The following BNC2 variants were observed in gnomAD, a reference collection of about 807,000 sequenced individuals.
BNC2 encodes the protein basonuclin zinc finger protein 2.
BNC2 carries 20 observed loss-of-function variants against 76.3 expected under a neutral mutation model. The ratio of observed to expected loss-of-function variants is 0.26; its 90% CI spans 0.18 to 0.38. The LOEUF (loss-of-function observed/expected upper bound fraction) is 0.38, where lower values mean the gene tolerates loss of function less well. Ranked by LOEUF, BNC2 falls within the 10% of genes least tolerant of loss-of-function variation. BNC2 has a pLI of 1.00. For synonymous variants in BNC2, 582 were observed against 514.8 expected (o/e 1.13, Z -1.77); for missense variants, 1,382 against 1,399.8 (o/e 0.99, Z 0.20).
At chr9:16,815,386 T>G (rs1385819888) in intron 1 of BNC2, among the ~76,000 whole-genome samples, 1 of 152,188 alleles carries the variant, frequency 6.6e-6, no homozygotes, top group East Asian at 1.9e-4. Flanking sequence ...ACAGGAAGGA[T>G]GGACAGCAGT....
chr9:16,441,255 G>A (rs185729345), intron 5 of BNC2, among the ~76,000 whole-genome samples: 4 of 152,198 alleles, frequency 2.6e-5, no homozygotes, highest in Non-Finnish European at 4.4e-5. Flanking sequence ...AGTGAGCCAT[G>A]ATAGTGCCAC....
intron 5 of BNC2, among the ~76,000 whole-genome samples, chr9:16,515,339 C>G (rs1238323470): frequency 5.3e-5 from 8 of 152,164 alleles, no homozygotes; most frequent in Non-Finnish European, 8.8e-5. Flanking sequence ...TTGCTGGGCT[C>G]CAGTCATCCC....
chr9:16,675,570 C>T (rs1284889546), intron 3 of BNC2, among the ~76,000 whole-genome samples: 6 of 151,892 alleles, frequency 4.0e-5, no homozygotes, highest in Non-Finnish European at 7.4e-5. Flanking sequence ...GCCTAATTTT[C>T]GAAGAAAAGA....
chr9:16,859,439 C>G (rs1158143750), intron 1 of BNC2, among the ~76,000 whole-genome samples: 1 of 152,180 alleles, frequency 6.6e-6, no homozygotes, highest in Non-Finnish European at 1.5e-5. Context: ...AGGTGGAAAG[C>G]AAACTAAATG....
intron 5 of BNC2, among the ~76,000 whole-genome samples, chr9:16,492,135 C>CT (rs953794326): frequency 4.6e-5 from 7 of 151,076 alleles, no homozygotes; most frequent in South Asian, 2.1e-4. Flanking sequence ...ATGTTTTTTT[C>CT]TTTTTTTTCC....
At chr9:16,632,594 C>T (rs933784351) in intron 3 of BNC2, among the ~76,000 whole-genome samples, 1 of 152,190 alleles carries the variant, frequency 6.6e-6, no homozygotes, top group Admixed American at 6.5e-5. Context: ...AAAACTTATT[C>T]TCTTGATAAA....
intron 1 of BNC2, among the ~76,000 whole-genome samples, chr9:16,830,432 T>G (rs1818554266): frequency 6.6e-6 from 1 of 152,234 alleles, no homozygotes; most frequent in South Asian, 2.1e-4. Context: ...ATCCCTAGAT[T>G]ACTAATACAA....
rs1818692315 is a variant in BNC2 at position 16,552,437 on chromosome 9, T to G, written c.669+93A>C. ...CGACCACTTTAACCAGAGGAGGGTG[T>G]GCAGCCCTTCCTGCGAGGTTTGTCA... On this transcript the variant is annotated intron_variant, in intron 5 of 6. Coordinates refer to ENST00000380672, the MANE Select transcript of BNC2 (RefSeq NM_017637.6). The G allele has an allele frequency of 3.9e-6, 4 of 1,030,374 alleles. No individual in the cohort carries two copies. The East Asian group carries it at 7.7e-5, about 20-fold the overall frequency. The allele number at this position is 1,030,374 out of a possible 1,614,324, so 63.8% of individuals were successfully genotyped here. A position where few individuals can be genotyped will look rare whatever the true frequency, so the allele number is the denominator to read the frequency against.
At chr9:16,469,293 T>G (rs1409661979) in intron 5 of BNC2, among the ~76,000 whole-genome samples, 1 of 152,072 alleles carries the variant, frequency 6.6e-6, no homozygotes, top group Non-Finnish European at 1.5e-5. Flanking sequence ...TCCCACATGT[T>G]GTAGGAAGGA....
rs896226521 is a variant in BNC2 at position 16,429,719 on chromosome 9, AGAAATTT to A, written c.2639+5829_2639+5835del. 2.3e-5 allele frequency: 7 copies of A among 310,750 alleles called. No individual in the cohort carries two copies. In the Admixed American group the frequency reaches 2.8e-4, roughly 12 times the overall value. The allele number at this position is 310,750 out of a possible 1,614,324, so 19.2% of individuals were successfully genotyped here. Reference sequence around the variant, plus strand: ...AGACTTAATGTTAACTCTCATCAATAGAAATTTGTAAAAATCTCTTTGCATCATGAAA... The same window carrying A: ...AGACTTAATGTTAACTCTCATCAATAGTAAAAATCTCTTTGCATCATGAAA... On this transcript the variant is annotated intron_variant, in intron 6 of 6. Coordinates refer to ENST00000380672, the MANE Select transcript of BNC2 (RefSeq NM_017637.6).
At chr9:16,726,478 G>GT (rs139722544) in intron 3 of BNC2, among the ~76,000 whole-genome samples, 20,240 of 132,088 alleles carry the variant, frequency 0.15, 1,820 homozygotes, top group East Asian at 0.26. Flanking sequence ...CTGGCAAATT[G>GT]TTTTTTTTTT....
intron 3 of BNC2, among the ~76,000 whole-genome samples, chr9:16,628,831 T>C (rs1008419689): frequency 6.6e-6 from 1 of 152,210 alleles, no homozygotes; most frequent in African/African-American, 2.4e-5. Context: ...GGATAATCAT[T>C]GCTGTTAAAG....
chr9:16,560,629 G>C (rs1176999278), intron 4 of BNC2, among the ~76,000 whole-genome samples: 1 of 152,176 alleles, frequency 6.6e-6, no homozygotes, highest in Non-Finnish European at 1.5e-5. Flanking sequence ...TGAAGCAACA[G>C]AGACAGGAGG....
chr9:16,510,901 T>C (rs1396311757), intron 5 of BNC2, among the ~76,000 whole-genome samples: 1 of 152,138 alleles, frequency 6.6e-6, no homozygotes, highest in Non-Finnish European at 1.5e-5. Context: ...GGGCAAAATA[T>C]TACATTTCCT....
intron 3 of BNC2, among the ~76,000 whole-genome samples, chr9:16,667,236 G>C (rs1822327260): frequency 6.6e-6 from 1 of 152,124 alleles, no homozygotes; most frequent in Non-Finnish European, 1.5e-5. Context: ...TGTAATAATA[G>C]CATCCATTTA....
chr9:16,725,480 T>G (rs767746059), intron 3 of BNC2, among the ~76,000 whole-genome samples: 1 of 151,846 alleles, frequency 6.6e-6, no homozygotes, highest in East Asian at 1.9e-4. Context: ...AAAAGGTGGG[T>G]TGGGGGGATA....
At chr9:16,792,024 C>A (rs1196723432) in intron 1 of BNC2, among the ~76,000 whole-genome samples, 1 of 151,674 alleles carries the variant, frequency 6.6e-6, no homozygotes, top group African/African-American at 2.4e-5. Context: ...ATCCCTTTAG[C>A]CCAGGAGACG....
chr9:16,692,763 G>A (rs1365800207), intron 3 of BNC2, among the ~76,000 whole-genome samples: 1 of 152,118 alleles, frequency 6.6e-6, no homozygotes, highest in Non-Finnish European at 1.5e-5. Context: ...TCTTTTAGAA[G>A]GCTTCCTAGA....
At chr9:16,493,471 A>T (rs2131658942) in intron 5 of BNC2, among the ~76,000 whole-genome samples, 1 of 152,348 alleles carries the variant, frequency 6.6e-6, no homozygotes, top group African/African-American at 2.4e-5. Flanking sequence ...CTACTGTAAT[A>T]AACGTGGCAA....
Sources: gnomAD v4.1 joint callset for allele counts (sites outside exome capture counted in the v4.1 genomes callset) on GRCh38, gnomAD v4.1.1 for gene constraint, MANE v1.5 for transcripts, NCBI Gene and HGNC (gene_info 2026-07-23, HGNC 2026-07-21) for gene names.